CCDC127: variants seen among roughly 807,000 people sequenced by gnomAD.
CCDC127 encodes the protein coiled-coil domain containing 127, also known as coiled-coil domain-containing protein 127.
CCDC127 carries 2 observed loss-of-function variants against 4.1 expected under a neutral mutation model. The ratio of observed to expected loss-of-function variants is 0.49; its 90% CI spans 0.20 to 1.53. The LOEUF (loss-of-function observed/expected upper bound fraction) is 1.53. Among genes scored for constraint, CCDC127 ranks in the 40% most tolerant of loss-of-function variants. The pLI is 0.23. For synonymous variants in CCDC127, 98 were observed against 120.4 expected (o/e 0.81, Z 1.22); for missense variants, 271 against 322.9 (o/e 0.84, Z 1.23).
rs1031883732 is a variant in CCDC127, at chr5:201,238, T to C, written c.*4059A>G. 1.3e-5 allele frequency: 2 copies of C among 152,284 alleles called. No individual in the cohort carries two copies. Among genetic ancestry groups the C allele is most frequent in the African/African-American group, 4.8e-5 (2 of 41,464 alleles). The allele number at this position is 152,284 out of a possible 1,614,324, so 9.4% of individuals were successfully genotyped here. A position where few individuals can be genotyped will look rare whatever the true frequency, so the allele number is the denominator to read the frequency against. On this transcript the variant is annotated 3_prime_UTR_variant, in exon 3 of 3. Coordinates refer to ENST00000296824, the MANE Select transcript of CCDC127 (RefSeq NM_145265.3). The stretch of plus-strand genomic sequence containing the variant: ...ACACACTGCAGTTTGGTCTCTGCAA[T>C]GTCACAGGTGTAGTCTTCAGACTTG...
chr5:213,547 C>T (rs1734317699), intron 2 of CCDC127, among the ~76,000 whole-genome samples: 1 of 145,480 alleles, frequency 6.9e-6, no homozygotes, highest in African/African-American at 2.6e-5. Context: ...TCGCACACTG[C>T]AGCCACGACG....
In CCDC127 at chr5:196,965, T is replaced by TATC. The variant is rs1482677567; in HGVS notation, c.*8331_*8332insGAT. On this transcript the variant is annotated 3_prime_UTR_variant, in exon 3 of 3. Transcript: ENST00000296824. The stretch of plus-strand genomic sequence containing the variant: ...GAGTTCCCTCAGTTTTTATTATTAT[T>TATC]TTCATTATTTCAGCAAAAAGGAATG... 1.6e-4 allele frequency: 24 copies of TATC among 150,778 alleles called. No homozygotes were observed. The highest frequency in any genetic ancestry group is 8.6e-4 in the South Asian group (4 of 4,674). 9.3% of individuals were successfully genotyped at this position (150,778 alleles called of 1,614,324 possible).
rs1322467268 is a variant in CCDC127, at chr5:203,764, C to T, written c.*1533G>A. 2 of 152,256 alleles carry T rather than the reference C, an allele frequency of 1.3e-5. No individual in the cohort carries two copies. Among genetic ancestry groups the T allele is most frequent in the Non-Finnish European group, 2.9e-5 (2 of 68,062 alleles). The allele number at this position is 152,256 out of a possible 1,614,324, so 9.4% of individuals were successfully genotyped here. ...CGGTTCTGGAGAAAAGGTGCCCGGGCTCAGACTGGCTCCAACACTACTACC... is the reference window on the plus strand; with the variant it reads ...CGGTTCTGGAGAAAAGGTGCCCGGGTTCAGACTGGCTCCAACACTACTACC... On this transcript the variant is annotated 3_prime_UTR_variant, in exon 3 of 3. Coordinates refer to ENST00000296824, the MANE Select transcript of CCDC127 (RefSeq NM_145265.3).
At chr5:217,726 G>A (rs1001329614) in intron 1 of CCDC127, among the ~76,000 whole-genome samples, 3 of 151,850 alleles carry the variant, frequency 2.0e-5, no homozygotes, top group African/African-American at 7.3e-5. Flanking sequence ...TCTCTGCTTC[G>A]GGCTCAGCAT....
chr5:208,077 G>C (rs1378506843), intron 2 of CCDC127, among the ~76,000 whole-genome samples: 2 of 152,206 alleles, frequency 1.3e-5, no homozygotes, highest in African/African-American at 4.8e-5. Flanking sequence ...TTCCGAGTCT[G>C]ACCTGACAGA....
rs1437307464 is a variant in CCDC127, at chr5:200,186, CA to C, written c.*5110del. On this transcript the variant is annotated 3_prime_UTR_variant, in exon 3 of 3. Transcript: ENST00000296824. The stretch of plus-strand genomic sequence containing the variant: ...CCCGACAGCAAGACCCTCAGCCTGT[CA>C]GGGGGTCTGCAGCAGATGAGAGACC... 6 of 152,292 alleles carry C rather than the reference CA, an allele frequency of 3.9e-5. No individual in the cohort carries two copies. Among genetic ancestry groups the C allele is most frequent in the Admixed American group, 1.3e-4 (2 of 15,278 alleles). 9.4% of individuals were successfully genotyped at this position (152,292 alleles called of 1,614,324 possible).
intron 2 of CCDC127, among the ~76,000 whole-genome samples, chr5:213,458 C>G (rs1734314846): frequency 8.7e-6 from 1 of 115,030 alleles, no homozygotes; most frequent in Non-Finnish European, 1.7e-5. Context: ...TCGCACACTG[C>G]AGCCACGACG....
rs548976206 is a variant in CCDC127, at chr5:197,042, C to G, written c.*8255G>C. ...GAGGAGGTCAGCAAAAACGTGTGAG[C>G]AAAAGAATCTATGTCGTAATTAAGT... On this transcript the variant is annotated 3_prime_UTR_variant, in exon 3 of 3. Transcript: ENST00000296824. 2 of 151,128 alleles carry G rather than the reference C, an allele frequency of 1.3e-5. No individual in the cohort carries two copies. Among genetic ancestry groups the G allele is most frequent in the African/African-American group, 4.9e-5 (2 of 40,724 alleles). The allele number at this position is 151,128 out of a possible 1,614,324, so 9.4% of individuals were successfully genotyped here.
intron 2 of CCDC127, among the ~76,000 whole-genome samples, chr5:207,852 C>G (rs1302327130): frequency 2.0e-5 from 3 of 152,160 alleles, no homozygotes; most frequent in Admixed American, 2.0e-4. Flanking sequence ...CTGATACAAT[C>G]TGGGGACGAT....
intron 1 of CCDC127, 59 bp downstream of exon 1, chr5:218,033 AC>A (rs1734463811): frequency 1.0e-6 from 1 of 998,118 alleles, no homozygotes; most frequent in Admixed American, 5.2e-5. Flanking sequence ...CCGGAGAACC[AC>A]CCACGGGGCT....
In CCDC127 at chr5:202,832, G is replaced by C. The variant is rs778552192; in HGVS notation, c.*2465C>G. 1 of 152,228 alleles carries C rather than the reference G, an allele frequency of 6.6e-6. No homozygotes were observed. The highest frequency in any genetic ancestry group is 1.5e-5 in the Non-Finnish European group (1 of 68,048). 9.4% of individuals were successfully genotyped at this position (152,228 alleles called of 1,614,324 possible). A position where few individuals can be genotyped will look rare whatever the true frequency, so the allele number is the denominator to read the frequency against. On this transcript the variant is annotated 3_prime_UTR_variant, in exon 3 of 3. Transcript: ENST00000296824. The stretch of plus-strand genomic sequence containing the variant: ...TTCACACAGGGACACCCAGCAGACC[G>C]GATTGCCGCAGGAATGGAGCCTGCA...
Position 201,148 on chromosome 5 carries a change from G to A in CCDC127, c.*4149C>T, listed in dbSNP as rs1734069226. 4 of 152,292 alleles carry A rather than the reference G, an allele frequency of 2.6e-5. No individual in the cohort carries two copies. The highest frequency in any genetic ancestry group is 2.1e-4 in the South Asian group (1 of 4,834). The allele number at this position is 152,292 out of a possible 1,614,324, so 9.4% of individuals were successfully genotyped here. Reference sequence around the variant, plus strand: ...AAACACCCTGGCTCCTCCCAACATCGCACGGGCTGTCCTCATGCTGGAACA... The same window carrying A: ...AAACACCCTGGCTCCTCCCAACATCACACGGGCTGTCCTCATGCTGGAACA... On this transcript the variant is annotated 3_prime_UTR_variant, in exon 3 of 3. Coordinates refer to ENST00000296824, the MANE Select transcript of CCDC127 (RefSeq NM_145265.3).
rs1734016532 is a variant in CCDC127 at position 198,813 on chromosome 5, G to A, written c.*6484C>T. The A allele has an allele frequency of 6.6e-6, 1 of 152,280 alleles. No homozygotes were observed. Among genetic ancestry groups the A allele is most frequent in the Non-Finnish European group, 1.5e-5 (1 of 68,060 alleles). 9.4% of individuals were successfully genotyped at this position (152,280 alleles called of 1,614,324 possible). A position where few individuals can be genotyped will look rare whatever the true frequency, so the allele number is the denominator to read the frequency against. On this transcript the variant is annotated 3_prime_UTR_variant, in exon 3 of 3. Transcript: ENST00000296824. Reference sequence around the variant, plus strand: ...CACATCCGGCGTCTGCAGGGCCCAGGAGCACGCCTGCTGGGTTTTTATGGA... The same window carrying A: ...CACATCCGGCGTCTGCAGGGCCCAGAAGCACGCCTGCTGGGTTTTTATGGA...
At chr5:213,715 T>G (rs925156598) in intron 2 of CCDC127, among the ~76,000 whole-genome samples, 3 of 152,214 alleles carry the variant, frequency 2.0e-5, no homozygotes, top group African/African-American at 7.2e-5. Flanking sequence ...ACTGACCAGG[T>G]GGAGAAACCG....
rs1579354847 is a variant in CCDC127 at position 200,027 on chromosome 5, G to A, written c.*5270C>T. On this transcript the variant is annotated 3_prime_UTR_variant, in exon 3 of 3. Coordinates refer to ENST00000296824, the MANE Select transcript of CCDC127 (RefSeq NM_145265.3). ...GATCTGCTTTCCCCATGGGGTTGGG[G>A]CGGCCATGCTGGCACAAAGGGCTCC... 1 of 152,362 alleles carries A rather than the reference G, an allele frequency of 6.6e-6. No homozygotes were observed. The highest frequency in any genetic ancestry group is 1.9e-4 in the East Asian group (1 of 5,168). The allele number at this position is 152,362 out of a possible 1,614,324, so 9.4% of individuals were successfully genotyped here.
chr5:208,943 G>A (rs937581361), intron 2 of CCDC127, among the ~76,000 whole-genome samples: 1 of 152,132 alleles, frequency 6.6e-6, no homozygotes, highest in African/African-American at 2.4e-5. Flanking sequence ...AGAGATGGCA[G>A]TATCATCTGA....
intron 2 of CCDC127, among the ~76,000 whole-genome samples, chr5:213,419 C>T (rs547955635): frequency 9.8e-6 from 1 of 102,084 alleles, no homozygotes; most frequent in South Asian, 3.1e-4. Context: ...GCAGACTGGA[C>T]AGCAGTGTGA....
intron 2 of CCDC127, among the ~76,000 whole-genome samples, chr5:206,304 A>G (rs1734171766): frequency 6.7e-6 from 1 of 150,148 alleles, no homozygotes; most frequent in Non-Finnish European, 1.5e-5. Flanking sequence ...GGTTCTTATA[A>G]AAGTTGTATT....
At chr5:207,262 A>T (rs551105150) in intron 2 of CCDC127, among the ~76,000 whole-genome samples, 1 of 152,304 alleles carries the variant, frequency 6.6e-6, no homozygotes, top group South Asian at 2.1e-4. Context: ...AACCAAACTC[A>T]TCCTTCCTCA....
Sources: allele counts gnomAD v4.1 joint callset (sites outside exome capture counted in the v4.1 genomes callset), GRCh38; gene constraint gnomAD v4.1.1; transcripts MANE v1.5; gene names NCBI Gene and HGNC (gene_info 2026-07-23, HGNC 2026-07-21).